ALPL: variants seen among roughly 807,000 people sequenced by gnomAD.
The protein encoded by ALPL is alkaline phosphatase, biomineralization associated.
Under a neutral mutation model 51.3 loss-of-function variants are expected in ALPL, and 42 were observed. The ratio of observed to expected loss-of-function variants is 0.82; its 90% CI spans 0.64 to 1.06. The LOEUF (loss-of-function observed/expected upper bound fraction) is 1.06. ALPL is among the 50% of genes least tolerant of loss of function. The probability of loss-of-function intolerance (pLI) is 0.00; values close to 1 mark genes in which losing one functional copy is unlikely to be tolerated. For missense variants in ALPL, 589 were observed against 709.4 expected (o/e 0.83, Z 1.93); for synonymous variants, 279 against 296.4 (o/e 0.94, Z 0.60).
chr1:21,528,671 G>C (rs1643986455), intron 1 of ALPL, among the ~76,000 whole-genome samples: 1 of 151,914 alleles, frequency 6.6e-6, no homozygotes, highest in African/African-American at 2.4e-5. Flanking sequence ...TTTCTTAATG[G>C]TATGTTTTGA....
chr1:21,516,425 A>G (rs181028665), intron 1 of ALPL, among the ~76,000 whole-genome samples: 369 of 138,458 alleles, frequency 2.7e-3, no homozygotes, highest in African/African-American at 8.7e-3. Flanking sequence ...AAGTCCATAG[A>G]CTATAAGCCC....
At chr1:21,565,255 C>G (rs1341390262) in intron 6 of ALPL, among the ~76,000 whole-genome samples, 1 of 152,164 alleles carries the variant, frequency 6.6e-6, no homozygotes, top group African/African-American at 2.4e-5. Context: ...GATTAAGTAC[C>G]CGCTTTCAGG....
chr1:21,525,423 A>G (rs1347235483), intron 1 of ALPL, among the ~76,000 whole-genome samples: 1 of 152,222 alleles, frequency 6.6e-6, no homozygotes, highest in Non-Finnish European at 1.5e-5. Flanking sequence ...GCTTTGTCCC[A>G]TCTACCTGGA....
chr1:21,565,960 G>GC (rs1360987485), intron 6 of ALPL, among the ~76,000 whole-genome samples: 1 of 152,182 alleles, frequency 6.6e-6, no homozygotes, highest in Non-Finnish European at 1.5e-5. Context: ...AAACGATGAG[G>GC]CTCCCTGCAG....
intron 1 of ALPL, among the ~76,000 whole-genome samples, chr1:21,551,992 T>C (rs980333005): frequency 2.6e-5 from 4 of 151,026 alleles, no homozygotes; most frequent in Admixed American, 6.6e-5. Flanking sequence ...CCCAAAGTGC[T>C]GGGATTACAG....
intron 6 of ALPL, among the ~76,000 whole-genome samples, chr1:21,566,751 G>A (rs749121183): frequency 6.6e-6 from 1 of 151,820 alleles, no homozygotes; most frequent in Admixed American, 6.6e-5. Flanking sequence ...CACCATGCCC[G>A]GCTAAGTTTC....
chr1:21,526,246 TCTC>T (rs1643939843), intron 1 of ALPL, among the ~76,000 whole-genome samples: 1 of 151,968 alleles, frequency 6.6e-6, no homozygotes, highest in African/African-American at 2.4e-5. Flanking sequence ...TTCAAGCTAT[TCTC>T]CTGCATCAGC....
intron 8 of ALPL, among the ~76,000 whole-genome samples, chr1:21,570,657 G>A (rs142795727): frequency 3.9e-5 from 6 of 152,314 alleles, no homozygotes; most frequent in African/African-American, 1.2e-4. Flanking sequence ...ACAGCGGTAC[G>A]GCCCAGGCAA....
At chr1:21,546,940 T>A (rs1342276190) in intron 1 of ALPL, among the ~76,000 whole-genome samples, 1 of 152,184 alleles carries the variant, frequency 6.6e-6, no homozygotes, top group African/African-American at 2.4e-5. Flanking sequence ...GCTGCTGCTG[T>A]TAGGGGAAAA....
At chr1:21,526,588 T>A (rs577135993) in intron 1 of ALPL, among the ~76,000 whole-genome samples, 1 of 152,222 alleles carries the variant, frequency 6.6e-6, no homozygotes, top group African/African-American at 2.4e-5. Context: ...CATTTCTAAG[T>A]GTAGGGGTAA....
chr1:21,568,223 G>A lies in ALPL; in HGVS notation c.768G>A (p.Trp256Ter), dbSNP rs760649979. The change falls in exon 7 of 12, where the codon TGG becomes TGA. Residue 256 changes from tryptophan to a stop codon, truncating the protein, a stop_gained. Coordinates refer to ENST00000374840, the MANE Select transcript of ALPL (RefSeq NM_000478.6). LOFTEE classifies it high-confidence loss of function. Reference protein sequence around the residue: ...RLDGLDLVDTWKSFKPRYKHS... With the variant: ...RLDGLDLVDT The stretch of plus-strand genomic sequence containing the variant: ...ACGGCCTGGACCTCGTTGACACCTG[G>A]AAGAGCTTCAAACCGAGATACAAGG... 1 of 1,614,126 alleles carries A rather than the reference G, an allele frequency of 6.2e-7. No individual in the cohort carries two copies. The highest frequency in any genetic ancestry group is 1.7e-5 in the Admixed American group (1 of 60,014).
At chr1:21,530,042 T>G (rs186703979) in intron 1 of ALPL, among the ~76,000 whole-genome samples, 1 of 152,306 alleles carries the variant, frequency 6.6e-6, no homozygotes, top group East Asian at 1.9e-4. Context: ...CCTAGAGTGC[T>G]GGGATTACAG....
intron 2 of ALPL, among the ~76,000 whole-genome samples, chr1:21,554,490 T>C (rs1275062263): frequency 1.3e-5 from 2 of 148,200 alleles, no homozygotes; most frequent in East Asian, 1.9e-4. Flanking sequence ...ATATATTCTT[T>C]CTTAATTTTT....
intron 2 of ALPL, among the ~76,000 whole-genome samples, chr1:21,558,987 T>C (rs1644449061): frequency 6.6e-6 from 1 of 152,110 alleles, no homozygotes; most frequent in African/African-American, 2.4e-5. Context: ...TAAGAGAAGC[T>C]GTGTGGGGGG....
chr1:21,530,207 C>T (rs191136261), intron 1 of ALPL, among the ~76,000 whole-genome samples: 3 of 152,200 alleles, frequency 2.0e-5, no homozygotes, highest in African/African-American at 4.8e-5. Flanking sequence ...GATCCTCCCT[C>T]TCAAATCAGT....
intron 1 of ALPL, among the ~76,000 whole-genome samples, chr1:21,551,731 T>G (rs939874329): frequency 7.8e-6 from 1 of 128,900 alleles, no homozygotes; most frequent in Non-Finnish European, 1.7e-5. Flanking sequence ...TTTTTTTTTT[T>G]TTTTTTTTTT....
chr1:21,534,954 T>TC (rs951079342), intron 1 of ALPL, among the ~76,000 whole-genome samples: 4 of 152,180 alleles, frequency 2.6e-5, no homozygotes, highest in African/African-American at 9.7e-5. Context: ...GCCTTCTTTT[T>TC]CCCCGCTGTA....
rs1238595533 is a variant in ALPL, at chr1:21,564,539, C to A, written c.648+323C>A. ...ACGGGAGGTGGTGATGGCCAAGTGTCGTCTGCCTGCCCTGCGTATTCACAT... is the reference window on the plus strand; with the variant it reads ...ACGGGAGGTGGTGATGGCCAAGTGTAGTCTGCCTGCCCTGCGTATTCACAT... On this transcript the variant is annotated intron_variant, in intron 6 of 11. Coordinates refer to ENST00000374840, the MANE Select transcript of ALPL (RefSeq NM_000478.6). This position sits in a 1 kb window ranked among gnomAD's most constrained non-coding sequence, Gnocchi z 5.8. Among the ~76,000 whole-genome samples, 1 of 152,174 alleles carries A rather than the reference C, an allele frequency of 6.6e-6. No individual in the cohort carries two copies. The highest frequency in any genetic ancestry group is 1.5e-5 in the Non-Finnish European group (1 of 68,030).
chr1:21,519,467 C>A (rs1194094176), intron 1 of ALPL, among the ~76,000 whole-genome samples: 2 of 152,222 alleles, frequency 1.3e-5, no homozygotes, highest in Non-Finnish European at 1.5e-5. Flanking sequence ...ACATGCGCAG[C>A]ACAGCAAAGG....
Sources: gnomAD v4.1 joint callset for allele counts (sites outside exome capture counted in the v4.1 genomes callset) on GRCh38, gnomAD v4.1.1 for gene constraint, Gnocchi (gnomAD v3.1) non-coding constraint, MANE v1.5 for transcripts, NCBI Gene and HGNC (gene_info 2026-07-23, HGNC 2026-07-21) for gene names.